POLR1D: variants seen among roughly 807,000 people sequenced by gnomAD.
POLR1D encodes the protein RNA polymerase I and III subunit D.
Under a neutral mutation model 10.8 loss-of-function variants are expected in POLR1D, and 8 were observed. The observed-to-expected ratio is 0.74, with a 90% CI of 0.43 to 1.33. POLR1D has a LOEUF of 1.33. Among genes scored for constraint, POLR1D ranks in the 40% most tolerant of loss-of-function variants. The pLI, the probability that POLR1D is intolerant of heterozygous loss-of-function variation, is 0.01. For missense variants in POLR1D, 152 were observed against 161.7 expected (o/e 0.94, Z 0.32); for synonymous variants, 54 against 57.2 (o/e 0.94, Z 0.25).
intron 1 of POLR1D, among the ~76,000 whole-genome samples, chr13:27,642,837 A>T (rs763261622): frequency 6.0e-4 from 92 of 152,186 alleles, no homozygotes; most frequent in Non-Finnish European, 1.1e-3. Context: ...GCAAAAAGCA[A>T]TCTGCAGTAT....
At chr13:27,637,289 C>T (rs1566146052) in intron 1 of POLR1D, among the ~76,000 whole-genome samples, 1 of 152,176 alleles carries the variant, frequency 6.6e-6, no homozygotes, top group Non-Finnish European at 1.5e-5. Context: ...TGCTTCCTTC[C>T]TTCCTTTCAG....
intron 2 of POLR1D, among the ~76,000 whole-genome samples, chr13:27,659,726 C>T (rs1030558989): frequency 6.6e-6 from 1 of 151,926 alleles, no homozygotes; most frequent in Non-Finnish European, 1.5e-5. Context: ...AGCTGGAGGC[C>T]GAGGATTATA....
chr13:27,633,792 A>G (rs887506367), intron 1 of POLR1D, among the ~76,000 whole-genome samples: 1 of 152,240 alleles, frequency 6.6e-6, no homozygotes, highest in African/African-American at 2.4e-5. Flanking sequence ...ACATTATTTC[A>G]GATCCTGAGT....
chr13:27,632,227 G>C (rs1455389092), intron 1 of POLR1D, among the ~76,000 whole-genome samples: 1 of 152,322 alleles, frequency 6.6e-6, no homozygotes, highest in Non-Finnish European at 1.5e-5. Context: ...AGCAGTATGG[G>C]AGAGTGATAT....
At position 27,621,934 on chromosome 13, in the gene POLR1D, G is replaced by C. The variant is rs376899179; in HGVS notation, c.-50G>C. The C allele has an allele frequency of 2.5e-5, 39 of 1,568,124 alleles. No individual in the cohort carries two copies. The highest frequency in any genetic ancestry group is 1.4e-4 in the East Asian group (6 of 43,234). ...CCTCCGCGCCTCGCGCTATGGGACA[G>C]AGCCCCCGATCCGCCAGCACCACCT... On this transcript the variant is annotated 5_prime_UTR_variant, in exon 1 of 2. Coordinates refer to ENST00000302979, the MANE Select transcript of POLR1D (RefSeq NM_015972.4).
rs1240915855 is a variant in POLR1D at position 27,636,617 on chromosome 13, T to C, written c.27-11762T>C. On this transcript the variant is annotated intron_variant, in intron 1 of 2. Transcript: ENST00000399697. ...TAGGGGTCTAATATTTCAAATGAGA[T>C]GTGAAAGTATGGTCCCAAGCATTTG... is the stretch of plus-strand genomic sequence containing the variant. Among the ~76,000 whole-genome samples, 3 of 152,330 alleles carry C rather than the reference T, an allele frequency of 2.0e-5. No homozygotes were observed. In the East Asian group the frequency reaches 5.8e-4, roughly 29 times the overall value.
chr13:27,663,267 G>A lies in POLR1D; in HGVS notation c.102-2419G>A, dbSNP rs563494651. On this transcript the variant is annotated intron_variant, in intron 2 of 2. Transcript: ENST00000399697. This position sits in a 1 kb window ranked among gnomAD's most constrained non-coding sequence, Gnocchi z 4.1. ...GAGCACTTGTCATCACTTCTAAAATGTGTACTGGCATGCCTGGGAGATGTC... is the reference window on the plus strand; with the variant it reads ...GAGCACTTGTCATCACTTCTAAAATATGTACTGGCATGCCTGGGAGATGTC... 6.6e-6 allele frequency among the ~76,000 whole-genome samples: 1 copy of A among 152,138 alleles called. No homozygotes were observed. Among genetic ancestry groups the A allele is most frequent in the Non-Finnish European group, 1.5e-5 (1 of 68,036 alleles).
intron 2 of POLR1D, among the ~76,000 whole-genome samples, chr13:27,652,743 G>A (rs890721238): frequency 8.6e-5 from 13 of 151,650 alleles, no homozygotes; most frequent in Middle Eastern, 3.2e-3. Context: ...GCTGGCACAC[G>A]TCTGTAATCC....
rs145641558 is a variant in POLR1D, at chr13:27,648,720, ATAC to A, written c.101+272_101+274del. Among the ~76,000 whole-genome samples the A allele has an allele frequency of 0.02, 3,050 of 152,306 alleles. 103 individuals are homozygous for A. Among genetic ancestry groups the A allele is most frequent in the African/African-American group, 0.07 (2,893 of 41,536 alleles). ...TCACAAGTCTCCAAGAGGTATTTAG[ATAC>A]TACTGTGCGCAAAGTCACCTGTGCA... On this transcript the variant is annotated intron_variant, in intron 2 of 2. Coordinates refer to the POLR1D transcript ENST00000399697.
At chr13:27,654,175 C>T (rs1956289579) in intron 2 of POLR1D, among the ~76,000 whole-genome samples, 1 of 152,200 alleles carries the variant, frequency 6.6e-6, no homozygotes, top group Admixed American at 6.5e-5. Flanking sequence ...CAGAACTTTG[C>T]AAGTAACTTC....
chr13:27,666,180 G>T (rs1025526450), exon 3 of POLR1D: 4 of 557,810 alleles, frequency 7.2e-6, no homozygotes, highest in Non-Finnish European at 1.3e-5. Flanking sequence ...TACTTCTGCA[G>T]TGTAGTAGAC....
At chr13:27,656,049 A>G (rs1161371257) in intron 2 of POLR1D, among the ~76,000 whole-genome samples, 1 of 149,770 alleles carries the variant, frequency 6.7e-6, no homozygotes, top group African/African-American at 2.4e-5. Flanking sequence ...TATGAATCTT[A>G]TAGGAGAAAA....
intron 1 of POLR1D, among the ~76,000 whole-genome samples, chr13:27,635,696 C>CTATATATATATATATATA (rs3081355): frequency 2.1e-5 from 3 of 140,562 alleles, no homozygotes; most frequent in Non-Finnish European, 3.1e-5. Flanking sequence ...TACAAAGTAA[C>CTATATATATATATATATA]TATATATATA....
intron 1 of POLR1D, among the ~76,000 whole-genome samples, chr13:27,639,199 G>A (rs1956153881): frequency 6.6e-6 from 1 of 152,030 alleles, no homozygotes. Context: ...GTTCTCCAAA[G>A]CATCTGTTCT....
intron 2 of POLR1D, among the ~76,000 whole-genome samples, chr13:27,655,173 A>G (rs1024419784): frequency 1.3e-5 from 2 of 152,236 alleles, no homozygotes; most frequent in East Asian, 1.9e-4. Context: ...TATACAGTCA[A>G]TAGCCCACTA....
At chr13:27,646,959 T>C (rs1336989283) in intron 1 of POLR1D, among the ~76,000 whole-genome samples, 1 of 152,212 alleles carries the variant, frequency 6.6e-6, no homozygotes, top group Non-Finnish European at 1.5e-5. Context: ...ATATAGTATA[T>C]GGTAGCATTA....
rs1955974372 is a variant in POLR1D at position 27,623,438 on chromosome 13, CTT to C, written c.*191_*192del. On this transcript the variant is annotated 3_prime_UTR_variant, in exon 2 of 2. Coordinates refer to ENST00000302979, the MANE Select transcript of POLR1D (RefSeq NM_015972.4). Reference sequence around the variant, plus strand: ...TCTGTATTCTTCTAATAAATTCCCTCTTTTATTTAAACTAGTTTGACTGGTTT... The same window carrying C: ...TCTGTATTCTTCTAATAAATTCCCTCTTATTTAAACTAGTTTGACTGGTTT... The C allele has an allele frequency of 3.8e-6, 5 of 1,302,148 alleles. No homozygotes were observed. In the African/African-American group the frequency reaches 6.0e-5, roughly 16 times the overall value. 80.7% of individuals were successfully genotyped at this position (1,302,148 alleles called of 1,614,324 possible).
intron 1 of POLR1D, among the ~76,000 whole-genome samples, chr13:27,635,723 T>C (rs867746801): frequency 3.1e-4 from 33 of 106,714 alleles, no homozygotes; most frequent in East Asian, 2.1e-3. Context: ...TATATATATA[T>C]ATACATACAC....
downstream of POLR1D, among the ~76,000 whole-genome samples, chr13:27,626,799 A>C (rs1006919280): frequency 6.6e-6 from 1 of 152,226 alleles, no homozygotes; most frequent in African/African-American, 2.4e-5. Flanking sequence ...TTCTATTTTC[A>C]AAGTACTTTA....
Sources: allele counts gnomAD v4.1 joint callset (sites outside exome capture counted in the v4.1 genomes callset), GRCh38; gene constraint gnomAD v4.1.1; non-coding constraint Gnocchi (gnomAD v3.1); transcripts MANE v1.5; gene names NCBI Gene and HGNC (gene_info 2026-07-23, HGNC 2026-07-21).